DIAPH2: variants seen among roughly 807,000 people sequenced by gnomAD.
DIAPH2 encodes the protein protein diaphanous homolog 2.
A neutral mutation model predicts 92.7 loss-of-function variants in DIAPH2; 35 were observed. That is an observed-to-expected ratio of 0.38 (90% confidence interval 0.29 to 0.50). The LOEUF (loss-of-function observed/expected upper bound fraction) is 0.50. Among genes scored for constraint, DIAPH2 ranks in the 20% least tolerant of loss-of-function variants. The pLI is 0.94. For synonymous variants in DIAPH2, 301 were observed against 280.4 expected (o/e 1.07, Z -0.73); for missense variants, 701 against 819.5 (o/e 0.86, Z 1.77).
At chrX:97,089,232 G>A (rs916018695) in intron 19 of DIAPH2, among the ~76,000 whole-genome samples, 5 of 111,823 alleles carry the variant, frequency 4.5e-5, no homozygotes, top group Admixed American at 1.9e-4. Flanking sequence ...CCTTTGGACC[G>A]GAGGTGTCAC....
chrX:97,424,517 G>T (rs1712228768), intron 25 of DIAPH2, among the ~76,000 whole-genome samples: 2 of 111,937 alleles, frequency 1.8e-5, no homozygotes, highest in South Asian at 3.8e-4. Flanking sequence ...AGACAATAAT[G>T]AAAAAAGGTT....
intron 26 of DIAPH2, among the ~76,000 whole-genome samples, chrX:97,467,265 C>T (rs779910386): frequency 1.8e-5 from 2 of 112,172 alleles, no homozygotes; most frequent in Non-Finnish European, 3.8e-5. Context: ...CCGTGATGCT[C>T]ATTTAATTCT....
intron 26 of DIAPH2, among the ~76,000 whole-genome samples, chrX:97,501,725 C>T (rs767682674): frequency 1.6e-4 from 18 of 111,406 alleles, no homozygotes; most frequent in Non-Finnish European, 3.2e-4. Context: ...TTTAATAAAG[C>T]GGGCTTTTAA....
intron 5 of DIAPH2, among the ~76,000 whole-genome samples, chrX:96,909,916 C>T (rs1372345403): frequency 9.1e-6 from 1 of 110,059 alleles, no homozygotes; most frequent in East Asian, 2.8e-4. Flanking sequence ...AAGAAATAAC[C>T]CTAATAATTT....
intron 22 of DIAPH2, among the ~76,000 whole-genome samples, chrX:97,246,607 A>G (rs1307601516): frequency 8.9e-6 from 1 of 112,469 alleles, no homozygotes; most frequent in African/African-American, 3.2e-5. Context: ...AACATGATGA[A>G]TTTGTATCTG....
At chrX:96,778,844 G>C (rs1289739676) in intron 4 of DIAPH2, among the ~76,000 whole-genome samples, 1 of 111,793 alleles carries the variant, frequency 8.9e-6, no homozygotes, top group Non-Finnish European at 1.9e-5. Context: ...GGGCAAGGAT[G>C]CTACACAGGT....
rs760679244 is a variant in DIAPH2 at position 96,685,131 on chromosome X, A to C, written c.73A>C (p.Lys25Gln). The change falls in exon 1 of 27, where the codon AAG becomes CAG. Residue 25 changes from lysine (K) to glutamine (Q), a missense_variant. By Grantham distance (53) the Lys-to-Gln change is moderately conservative. This residue lies in a region of DIAPH2 where 131 missense variants were observed against 145.6 expected (regional missense o/e 0.90). Coordinates refer to ENST00000324765, the MANE Select transcript of DIAPH2 (RefSeq NM_006729.5). Reference protein sequence around the residue: ...SEEPGGGRSNKRSAGNRAANE... With the variant: ...SEEPGGGRSNQRSAGNRAANE... ...GGAACCCGGTGGGGGCCGGAGCAACAAGCGGAGCGCGGGGAACCGGGCCGC... is the reference window on the plus strand; with the variant it reads ...GGAACCCGGTGGGGGCCGGAGCAACCAGCGGAGCGCGGGGAACCGGGCCGC... 1 of 1,017,981 alleles carries C rather than the reference A, an allele frequency of 9.8e-7. No individual in the cohort carries two copies. The highest frequency in any genetic ancestry group is 1.3e-6 in the Non-Finnish European group (1 of 794,632). The allele number at this position is 1,017,981 out of a possible 1,213,427, so 83.9% of individuals were successfully genotyped here. A position where few individuals can be genotyped will look rare whatever the true frequency, so the allele number is the denominator to read the frequency against.
chrX:97,459,559 G>A (rs978016040), intron 26 of DIAPH2, among the ~76,000 whole-genome samples: 4 of 112,175 alleles, frequency 3.6e-5, no homozygotes, highest in African/African-American at 1.3e-4. Flanking sequence ...AAAGCCAAAT[G>A]TGGTGGTTAC....
At chrX:97,423,734 T>C (rs2147771984) in intron 25 of DIAPH2, among the ~76,000 whole-genome samples, 1 of 112,193 alleles carries the variant, frequency 8.9e-6, no homozygotes, top group East Asian at 2.8e-4. Flanking sequence ...CATAAGTTAT[T>C]ATTTTAGTGG....
chrX:97,391,949 G>T (rs762710177), intron 25 of DIAPH2, among the ~76,000 whole-genome samples: 1 of 111,528 alleles, frequency 9.0e-6, no homozygotes, highest in East Asian at 2.8e-4. Flanking sequence ...ATGTACCAAG[G>T]CTATATTTTG....
At chrX:97,261,960 T>C (rs528707901) in intron 23 of DIAPH2, among the ~76,000 whole-genome samples, 1 of 110,216 alleles carries the variant, frequency 9.1e-6, no homozygotes, top group South Asian at 3.9e-4. Context: ...GATATTATAA[T>C]ATTGTGACAT....
At chrX:96,727,478 G>A (rs1203470263) in intron 1 of DIAPH2, among the ~76,000 whole-genome samples, 3 of 111,604 alleles carry the variant, frequency 2.7e-5, no homozygotes, top group African/African-American at 9.8e-5. Context: ...TCATAAGTCT[G>A]TTCTCTTCAA....
chrX:96,960,130 T>A (rs1478710589), intron 16 of DIAPH2, among the ~76,000 whole-genome samples: 1 of 111,756 alleles, frequency 8.9e-6, no homozygotes, highest in Non-Finnish European at 1.9e-5. Context: ...TTATTTTTCC[T>A]ATTTTTTGTG....
intron 17 of DIAPH2, among the ~76,000 whole-genome samples, chrX:97,051,238 G>A (rs770733558): frequency 3.4e-4 from 38 of 110,951 alleles, no homozygotes; most frequent in African/African-American, 1.1e-3. Context: ...TACAGGGAGG[G>A]TAGAAATTCA....
At chrX:97,515,053 T>G (rs769085051) in intron 26 of DIAPH2, among the ~76,000 whole-genome samples, 1 of 109,773 alleles carries the variant, frequency 9.1e-6, no homozygotes, top group African/African-American at 3.3e-5. Flanking sequence ...TCGAGCTTCC[T>G]GGCTGCTTTG....
At chrX:97,435,101 A>G (rs1429235538) in intron 26 of DIAPH2, among the ~76,000 whole-genome samples, 2 of 111,469 alleles carry the variant, frequency 1.8e-5, no homozygotes, top group Non-Finnish European at 3.8e-5. Context: ...TGACAATGAC[A>G]TACGCTCTGG....
chrX:97,090,991 A>G (rs1396819949), intron 19 of DIAPH2, among the ~76,000 whole-genome samples: 3 of 111,126 alleles, frequency 2.7e-5, no homozygotes, highest in Non-Finnish European at 5.7e-5. Context: ...CCCAAAATAT[A>G]TGTTATTTAG....
At chrX:97,522,481 G>T (rs1457087941) in intron 26 of DIAPH2, among the ~76,000 whole-genome samples, 1 of 112,280 alleles carries the variant, frequency 8.9e-6, no homozygotes. Flanking sequence ...AAAGTGTCTG[G>T]CAGATTAATG....
chrX:97,370,943 G>A (rs1055605013), intron 24 of DIAPH2, among the ~76,000 whole-genome samples: 10 of 111,708 alleles, frequency 9.0e-5, no homozygotes, highest in African/African-American at 2.9e-4. Flanking sequence ...CAGATATATC[G>A]GAACCAATCT....
Sources: allele counts gnomAD v4.1 joint callset (sites outside exome capture counted in the v4.1 genomes callset), GRCh38; gene constraint gnomAD v4.1.1; regional missense constraint gnomAD v4.1.1; transcripts MANE v1.5; gene names NCBI Gene and HGNC (gene_info 2026-07-23, HGNC 2026-07-21).